Variants in CLIP2 observed in about 807,000 individuals in gnomAD.
CLIP2 encodes the protein CAP-Gly domain-containing linker protein 2.
A neutral mutation model predicts 111.7 loss-of-function variants in CLIP2; 41 were observed. The observed-to-expected ratio is 0.37, with a 90% CI of 0.29 to 0.48. The LOEUF is 0.48. CLIP2 is among the 20% of genes least tolerant of loss of function. The pLI is 0.99. For missense variants in CLIP2, 1,160 were observed against 1,422.1 expected (o/e 0.82, Z 2.96); for synonymous variants, 660 against 644.2 (o/e 1.02, Z -0.37).
chr7:74,372,754 C>G (rs1414180539), intron 8 of CLIP2, among the ~76,000 whole-genome samples, 178 bp from the exon 9 acceptor site: 1 of 151,864 alleles, frequency 6.6e-6, no homozygotes, highest in Non-Finnish European at 1.5e-5. Context: ...CCCAGACTTC[C>G]TCTCTTTCGC....
At position 74,386,549 on chromosome 7, in the gene CLIP2, C is replaced by T. The variant is rs782509857; in HGVS notation, c.2508C>T (p.Asp836=). 8.1e-6 allele frequency: 13 copies of T among 1,611,470 alleles called. No individual in the cohort carries two copies. Among genetic ancestry groups the T allele is most frequent in the Non-Finnish European group, 1.1e-5 (13 of 1,178,984 alleles). Residue 836 remains aspartate (D), a synonymous_variant, in exon 12 of 17, where the codon GAC becomes GAT. Transcript: ENST00000223398. ...EGLQDKLNKR[D]KEVTALTSQT... ...TGCAGGACAAGCTGAACAAGAGGGA[C>T]AAAGAGGTGACAGCCTTGACCTCCC...
In CLIP2 at chr7:74,376,472, G is replaced by A. The variant is rs868968900; in HGVS notation, c.2071G>A (p.Glu691Lys). 1 of 1,613,050 alleles carries A rather than the reference G, an allele frequency of 6.2e-7. No homozygotes were observed. The highest frequency in any genetic ancestry group is 1.3e-5 in the African/African-American group (1 of 74,542). The change falls in exon 10 of 17, where the codon GAG becomes AAG. Residue 691 changes from glutamate (E) to lysine (K), a missense_variant. This residue lies in a region of CLIP2 where 676 missense variants were observed against 777.8 expected (regional missense o/e 0.87). Transcript: ENST00000223398. This position sits in a 1 kb window ranked among gnomAD's most constrained non-coding sequence, Gnocchi z 7.1. ...EKEALREKLQ[E>K]AQEELAGLQR... ...GGAGGCCCTGCGAGAGAAGCTGCAG[G>A]AGGCCCAGGAGGAGCTGGCTGGGCT...
intron 1 of CLIP2, among the ~76,000 whole-genome samples, chr7:74,311,905 A>G (rs1788648364): frequency 6.9e-6 from 1 of 145,286 alleles, no homozygotes; most frequent in Non-Finnish European, 1.5e-5. Flanking sequence ...GAGCAAGACC[A>G]CATCTCAAGA....
At chr7:74,357,614 T>C (rs1453478710) in intron 6 of CLIP2, 137 bp downstream of exon 6, 1 of 739,056 alleles carries the variant, frequency 1.4e-6, no homozygotes, top group Non-Finnish European at 2.2e-6. Flanking sequence ...TCCCCCGCTT[T>C]CCAGAGATAA....
chr7:74,294,346 G>T (rs1227658886), intron 1 of CLIP2, among the ~76,000 whole-genome samples: 2 of 152,170 alleles, frequency 1.3e-5, no homozygotes, highest in Admixed American at 1.3e-4. Flanking sequence ...TTAATGAAAC[G>T]TTTCCCTTCT....
At chr7:74,386,684 G>A (rs1320567663) in intron 12 of CLIP2, 80 bp downstream of exon 12, 7 of 1,178,370 alleles carry the variant, frequency 5.9e-6, no homozygotes, top group African/African-American at 1.6e-5. Flanking sequence ...AGCATGGAGT[G>A]GGTCAGGGCC....
intron 3 of CLIP2, among the ~76,000 whole-genome samples, chr7:74,351,974 C>T (rs1393093224): frequency 6.6e-6 from 1 of 152,178 alleles, no homozygotes; most frequent in Non-Finnish European, 1.5e-5. Flanking sequence ...AGACTCCAGG[C>T]CAATGGCCGC....
intron 6 of CLIP2, among the ~76,000 whole-genome samples, chr7:74,357,779 C>T (rs1249386891): frequency 1.9e-4 from 27 of 145,216 alleles, no homozygotes; most frequent in African/African-American, 5.9e-4. Context: ...TTTTTTTTGA[C>T]GGAATCTCAT....
rs539646699 is a variant in CLIP2, at chr7:74,336,003, A to C, written c.122-2445A>C. Among the ~76,000 whole-genome samples, 203 of 89,412 alleles carry C rather than the reference A, an allele frequency of 2.3e-3. 2 individuals carry two copies. The highest frequency in any genetic ancestry group is 4.5e-3 in the East Asian group (17 of 3,810). 58.7% of individuals were successfully genotyped at this position (89,412 alleles called of 152,430 possible). On this transcript the variant is annotated intron_variant, in intron 2 of 16. Transcript: ENST00000223398. Reference sequence around the variant, plus strand: ...GTGATCCGCCCGCCTCGGCCTCCCAAAGTGCTGGGATTACAGGCGTAAGCC... The same window carrying C: ...GTGATCCGCCCGCCTCGGCCTCCCACAGTGCTGGGATTACAGGCGTAAGCC...
intron 11 of CLIP2, among the ~76,000 whole-genome samples, chr7:74,381,929 T>G (rs1790955438): frequency 6.6e-6 from 1 of 152,230 alleles, no homozygotes; most frequent in South Asian, 2.1e-4. Context: ...CAACCAATTT[T>G]AATTCCCACC....
chr7:74,399,492 T>C (rs1315442296), intron 14 of CLIP2, among the ~76,000 whole-genome samples: 2 of 141,318 alleles, frequency 1.4e-5, no homozygotes, highest in Non-Finnish European at 3.0e-5. Flanking sequence ...GAGCTGTGAT[T>C]GCACCACTGC....
intron 13 of CLIP2, among the ~76,000 whole-genome samples, chr7:74,395,027 C>A (rs1791407173): frequency 6.6e-6 from 1 of 152,204 alleles, no homozygotes; most frequent in Admixed American, 6.6e-5. Flanking sequence ...TCATCTGAAG[C>A]CACATTTCCT....
At chr7:74,341,376 A>G (rs1344681342) in intron 3 of CLIP2, among the ~76,000 whole-genome samples, 5 of 151,208 alleles carry the variant, frequency 3.3e-5, no homozygotes, top group Non-Finnish European at 5.9e-5. Flanking sequence ...TTTAGTAGAG[A>G]TAGGGTTTCA....
intron 16 of CLIP2, among the ~76,000 whole-genome samples, chr7:74,402,223 T>A (rs1012678683): frequency 6.7e-6 from 1 of 150,130 alleles, no homozygotes; most frequent in Non-Finnish European, 1.5e-5. Context: ...CCAGCTACTC[T>A]GGAGGCTGAG....
Position 74,380,839 on chromosome 7 carries a change from A to T in CLIP2, c.2455A>T (p.Ile819Phe), listed in dbSNP as rs200419329. ...IESNDISEETIRTKETVEGLQ... is the reference protein window; with the variant it reads ...IESNDISEETFRTKETVEGLQ... The stretch of plus-strand genomic sequence containing the variant: ...GTCGAATGACATTTCAGAGGAGACG[A>T]TCAGGACGAAGGAAACTGTGGAGGG... The change falls in exon 11 of 17, where the codon ATC becomes TTC. Residue 819 changes from isoleucine (I) to phenylalanine (F), a missense_variant. Coordinates refer to ENST00000223398, the MANE Select transcript of CLIP2 (RefSeq NM_003388.5). 8.9e-5 allele frequency: 144 copies of T among 1,612,562 alleles called. No homozygotes were observed. Among genetic ancestry groups the T allele is most frequent in the Non-Finnish European group, 1.2e-4 (138 of 1,179,000 alleles).
At chr7:74,396,148 G>T (rs2116704664) in intron 13 of CLIP2, among the ~76,000 whole-genome samples, 1 of 152,336 alleles carries the variant, frequency 6.6e-6, no homozygotes. Context: ...TCACTGCACT[G>T]TTTCCTGCAG....
At chr7:74,296,260 A>T (rs1249599824) in intron 1 of CLIP2, among the ~76,000 whole-genome samples, 1 of 151,740 alleles carries the variant, frequency 6.6e-6, no homozygotes, top group African/African-American at 2.4e-5. Flanking sequence ...TGTAATCCCA[A>T]CACTTTGGGA....
intron 10 of CLIP2, among the ~76,000 whole-genome samples, chr7:74,379,320 C>G (rs1291769230): frequency 2.0e-5 from 3 of 150,122 alleles, no homozygotes; most frequent in Non-Finnish European, 4.4e-5. Flanking sequence ...CAGAGGGAGA[C>G]TCCGTCTGGA....
rs1490870227 is a variant in CLIP2, at chr7:74,364,180, T to A, written c.1320-75T>A. ...GGCCATTCTCATGGCCTTGCCTCTC[T>A]CTGCTGTTGCTCATTCGGTGAATCC... On this transcript the variant is annotated intron_variant, in intron 7 of 16. Coordinates refer to ENST00000223398, the MANE Select transcript of CLIP2 (RefSeq NM_003388.5). The A allele has an allele frequency of 8.1e-6, 11 of 1,364,098 alleles. No homozygotes were observed. In the South Asian group the frequency reaches 1.3e-4, roughly 16 times the overall value. The allele number at this position is 1,364,098 out of a possible 1,614,324, so 84.5% of individuals were successfully genotyped here. A position where few individuals can be genotyped will look rare whatever the true frequency, so the allele number is the denominator to read the frequency against.
Sources: allele counts gnomAD v4.1 joint callset (sites outside exome capture counted in the v4.1 genomes callset), GRCh38; gene constraint gnomAD v4.1.1; regional missense constraint gnomAD v4.1.1; non-coding constraint Gnocchi (gnomAD v3.1); transcripts MANE v1.5; gene names NCBI Gene and HGNC (gene_info 2026-07-23, HGNC 2026-07-21).